Variants in PLPPR4 observed in about 807,000 individuals in gnomAD.
PLPPR4 encodes phospholipid phosphatase-related protein type 4.
PLPPR4 carries 24 observed loss-of-function variants against 56.6 expected under a neutral mutation model. The ratio of observed to expected loss-of-function variants is 0.42; its 90% CI spans 0.31 to 0.60. The LOEUF is 0.60. PLPPR4 is among the 20% of genes least tolerant of loss of function. The pLI, the probability that PLPPR4 is intolerant of heterozygous loss-of-function variation, is 0.13. For synonymous variants in PLPPR4, 326 were observed against 328.1 expected (o/e 0.99, Z 0.07); for missense variants, 654 against 885.8 (o/e 0.74, Z 3.32).
At chr1:99,293,772 T>C (rs1208260853) in intron 2 of PLPPR4, among the ~76,000 whole-genome samples, 1 of 152,154 alleles carries the variant, frequency 6.6e-6, no homozygotes, top group East Asian at 1.9e-4. Flanking sequence ...TATAATAATT[T>C]TTGTTGTTTT....
chr1:99,290,271 T>C (rs1246637335), intron 2 of PLPPR4, among the ~76,000 whole-genome samples: 2 of 151,960 alleles, frequency 1.3e-5, no homozygotes, highest in African/African-American at 4.8e-5. Context: ...AACTACAAAC[T>C]ACTGCTCAAA....
At chr1:99,303,277 T>G (rs1246505760) in intron 6 of PLPPR4, among the ~76,000 whole-genome samples, 1 of 152,104 alleles carries the variant, frequency 6.6e-6, no homozygotes, top group African/African-American at 2.4e-5. Context: ...TGGCCAGGTT[T>G]CCAGCATGGA....
intron 2 of PLPPR4, among the ~76,000 whole-genome samples, chr1:99,294,321 T>C (rs1019345030): frequency 6.6e-6 from 1 of 152,236 alleles, no homozygotes; most frequent in African/African-American, 2.4e-5. Context: ...AAGAAACCTC[T>C]ATCCATATTA....
chr1:99,297,896 G>A (rs890136722), intron 3 of PLPPR4, among the ~76,000 whole-genome samples: 2 of 152,220 alleles, frequency 1.3e-5, no homozygotes, highest in African/African-American at 4.8e-5. Flanking sequence ...TCGACTGGAA[G>A]GATGATCCAT....
intron 3 of PLPPR4, chr1:99,298,832 A>G: frequency 1.5e-6 from 1 of 655,006 alleles, no homozygotes. Flanking sequence ...TAAAGTTACT[A>G]CTTTGGAGAT....
chr1:99,294,212 A>G (rs1027229635), intron 2 of PLPPR4, among the ~76,000 whole-genome samples: 4 of 152,130 alleles, frequency 2.6e-5, no homozygotes, highest in African/African-American at 9.7e-5. Flanking sequence ...AAAACTCGTG[A>G]ATGACATTAG....
At chr1:99,302,163 A>G (rs985073306) in intron 6 of PLPPR4, among the ~76,000 whole-genome samples, 7 of 152,054 alleles carry the variant, frequency 4.6e-5, no homozygotes, top group Non-Finnish European at 8.8e-5. Flanking sequence ...AGGGACTACT[A>G]TTACTACTAT....
chr1:99,291,838 C>A (rs1394812641), intron 2 of PLPPR4, among the ~76,000 whole-genome samples: 1 of 151,934 alleles, frequency 6.6e-6, no homozygotes, highest in Non-Finnish European at 1.5e-5. Context: ...GGTGTAATAC[C>A]TGGGTACAAC....
chr1:99,267,412 G>A lies in PLPPR4; in HGVS notation c.78+2741G>A, dbSNP rs144450656. Among the ~76,000 whole-genome samples the A allele has an allele frequency of 5.0e-4, 76 of 152,254 alleles. 1 individual carries two copies. The East Asian group carries it at 5.6e-3, about 11-fold the overall frequency. On this transcript the variant is annotated intron_variant, in intron 1 of 6. Transcript: ENST00000370185. ...GACAGATTGACTTGGTTCAAACACC[G>A]CCTTTGCCAGATACTACATGAATAA...
At chr1:99,276,852 A>G (rs1659198959) in intron 1 of PLPPR4, among the ~76,000 whole-genome samples, 1 of 152,156 alleles carries the variant, frequency 6.6e-6, no homozygotes, top group African/African-American at 2.4e-5. Flanking sequence ...AGAAGTTAGA[A>G]CAAGCCAAAT....
chr1:99,305,923 G>T lies in PLPPR4; in HGVS notation c.1061G>T (p.Arg354Leu), dbSNP rs1320410416. 1 of 1,613,882 alleles carries T rather than the reference G, an allele frequency of 6.2e-7. No homozygotes were observed. The highest frequency in any genetic ancestry group is 8.5e-7 in the Non-Finnish European group (1 of 1,179,998). ...GCTGATGTGGAAATCATTACTCCAC[G>T]GAGCCCCATGGGGAAGGAGAACATG... The part of the protein sequence containing the change: ...ANADVEIITP[R>L]SPMGKENMVT... The change falls in exon 7 of 7, where the codon CGG becomes CTG. Residue 354 changes from arginine to leucine, a missense_variant. Physicochemically the swap from Arg to Leu is moderately radical, Grantham distance 102 (BLOSUM62 -2). Transcript: ENST00000370185.
At chr1:99,270,448 A>G (rs954440697) in intron 1 of PLPPR4, among the ~76,000 whole-genome samples, 1 of 152,254 alleles carries the variant, frequency 6.6e-6, no homozygotes, top group Non-Finnish European at 1.5e-5. Flanking sequence ...AGAAGAAGCC[A>G]TTGCTGCTAC....
upstream of PLPPR4, among the ~76,000 whole-genome samples, chr1:99,263,173 C>T (rs1394320638): frequency 2.6e-5 from 4 of 152,078 alleles, no homozygotes; most frequent in East Asian, 7.7e-4. Context: ...AGTTTGTGGT[C>T]ATGAGTTGGA....
Position 99,307,053 on chromosome 1 carries a change from A to G in PLPPR4, c.*43A>G. 1 of 1,538,354 alleles carries G rather than the reference A, an allele frequency of 6.5e-7. No individual in the cohort carries two copies. Among genetic ancestry groups the G allele is most frequent in the Non-Finnish European group, 8.7e-7 (1 of 1,149,582 alleles). ...ATTAGGGCTACTCGCAAAAGACCAT[A>G]TGTTGATTCTACCTGTGTTCTGTTC... On this transcript the variant is annotated 3_prime_UTR_variant, in exon 7 of 7. Coordinates refer to ENST00000370185, the MANE Select transcript of PLPPR4 (RefSeq NM_014839.5).
rs953466498 is a variant in PLPPR4 at position 99,308,109 on chromosome 1, G to A, written c.*1099G>A. 4 of 152,086 alleles carry A rather than the reference G, an allele frequency of 2.6e-5. No individual in the cohort carries two copies. Among genetic ancestry groups the A allele is most frequent in the South Asian group, 2.1e-4 (1 of 4,822 alleles). 9.4% of individuals were successfully genotyped at this position (152,086 alleles called of 1,614,324 possible). ...CTGGCATAGGTTGCCATCTTAACAAGTAATCTAAAAGTCCCATTCGGTTCT... is the reference window on the plus strand; with the variant it reads ...CTGGCATAGGTTGCCATCTTAACAAATAATCTAAAAGTCCCATTCGGTTCT... On this transcript the variant is annotated 3_prime_UTR_variant, in exon 7 of 7. Transcript: ENST00000370185.
At chr1:99,271,257 G>A (rs1436065689) in intron 1 of PLPPR4, among the ~76,000 whole-genome samples, 1 of 152,158 alleles carries the variant, frequency 6.6e-6, no homozygotes, top group Non-Finnish European at 1.5e-5. Flanking sequence ...CTACTGAGAA[G>A]GCATTGTTAT....
intron 1 of PLPPR4, among the ~76,000 whole-genome samples, chr1:99,266,780 C>A (rs558763000): frequency 3.2e-4 from 49 of 152,172 alleles, no homozygotes; most frequent in Non-Finnish European, 5.3e-4. Flanking sequence ...CATGATGAAC[C>A]ACTAAAGAGC....
At chr1:99,280,651 A>T (rs1318045969) in intron 1 of PLPPR4, among the ~76,000 whole-genome samples, 1 of 152,232 alleles carries the variant, frequency 6.6e-6, no homozygotes, top group East Asian at 1.9e-4. Context: ...CGGAGTCTTC[A>T]ATTCTGAGTG....
At chr1:99,296,345 T>C (rs1659740538) in intron 2 of PLPPR4, among the ~76,000 whole-genome samples, 1 of 152,218 alleles carries the variant, frequency 6.6e-6, no homozygotes, top group Non-Finnish European at 1.5e-5. Flanking sequence ...GCTACTGTAC[T>C]GGACAGTGCA....
Sources: gnomAD v4.1 joint callset for allele counts (sites outside exome capture counted in the v4.1 genomes callset) on GRCh38, gnomAD v4.1.1 for gene constraint, MANE v1.5 for transcripts, NCBI Gene and HGNC (gene_info 2026-07-23, HGNC 2026-07-21) for gene names.